The following WDFY4 variants were observed in gnomAD, a reference collection of about 807,000 sequenced individuals.
WDFY4 encodes the protein WD repeat- and FYVE domain-containing protein 4.
In WDFY4, 169 loss-of-function variants were observed where a neutral mutation model predicts 351.9. The observed-to-expected ratio is 0.48, with a 90% CI of 0.42 to 0.55. WDFY4 has a LOEUF of 0.55. Among genes scored for constraint, WDFY4 ranks in the 20% least tolerant of loss-of-function variants. WDFY4 has a pLI of 0.00. For missense variants in WDFY4, 3,803 were observed against 3,935.6 expected (o/e 0.97, Z 0.90); for synonymous variants, 1,622 against 1,574.6 (o/e 1.03, Z -0.71).
intron 39 of WDFY4, among the ~76,000 whole-genome samples, chr10:48,845,921 C>T (rs2068761477): frequency 6.6e-6 from 1 of 152,168 alleles, no homozygotes; most frequent in Non-Finnish European, 1.5e-5. Flanking sequence ...GCATCCATTC[C>T]TCATCCATCA....
rs1452602835 is a variant in WDFY4 at position 48,890,832 on chromosome 10, A to T, written c.7316+105A>T. 1.6e-5 allele frequency: 23 copies of T among 1,466,030 alleles called. No homozygotes were observed. In the East Asian group the frequency reaches 5.5e-4, roughly 35 times the overall value. 90.8% of individuals were successfully genotyped at this position (1,466,030 alleles called of 1,614,324 possible). On this transcript the variant is annotated intron_variant, in intron 44 of 61. Transcript: ENST00000325239. ...CACCTTGTTCTTACAGTGGGCTTAG[A>T]TTTGGGCCTGAAACTGAGCCATGAG... is the stretch of plus-strand genomic sequence containing the variant.
chr10:48,945,549 A>G (rs1840999634), intron 49 of WDFY4, among the ~76,000 whole-genome samples: 1 of 152,204 alleles, frequency 6.6e-6, no homozygotes, highest in African/African-American at 2.4e-5. Flanking sequence ...AAGAGAGGGA[A>G]GGGGCGCTCA....
At chr10:48,760,909 G>A (rs1295827066) in intron 13 of WDFY4, among the ~76,000 whole-genome samples, 1 of 152,156 alleles carries the variant, frequency 6.6e-6, no homozygotes, top group Non-Finnish European at 1.5e-5. Flanking sequence ...TCTATGATGG[G>A]GATGAGGAGG....
At chr10:48,752,614 A>C (rs1422256289) in intron 12 of WDFY4, among the ~76,000 whole-genome samples, 1 of 152,254 alleles carries the variant, frequency 6.6e-6, no homozygotes, top group Non-Finnish European at 1.5e-5. Flanking sequence ...AATCATGTGT[A>C]AATGGAATCA....
At chr10:48,854,114 AT>A (rs11331850) in intron 39 of WDFY4, among the ~76,000 whole-genome samples, 53,357 of 138,092 alleles carry the variant, frequency 0.39, 8,897 homozygotes, top group East Asian at 0.66. Flanking sequence ...AGTCTAAGTC[AT>A]TTTTTTTTTT....
chr10:48,742,941 C>T, intron 11 of WDFY4, 27 bp from the exon 12 acceptor site: 4 of 1,525,912 alleles, frequency 2.6e-6, no homozygotes, highest in South Asian at 1.2e-5. Flanking sequence ...CTGGAGTGCA[C>T]TCATTTTGAT....
At chr10:48,690,673 A>G (rs1435899777) in intron 1 of WDFY4, among the ~76,000 whole-genome samples, 1 of 151,952 alleles carries the variant, frequency 6.6e-6, no homozygotes, top group Non-Finnish European at 1.5e-5. Flanking sequence ...GGCCCTGGAG[A>G]AGGTAGCTCT....
intron 23 of WDFY4, among the ~76,000 whole-genome samples, chr10:48,792,056 T>G (rs577910031): frequency 8.5e-5 from 13 of 152,348 alleles, no homozygotes; most frequent in East Asian, 7.7e-4. Context: ...CATTCAAAAC[T>G]GGCCACAGAC....
chr10:48,840,050 C>A (rs751094418), intron 39 of WDFY4, among the ~76,000 whole-genome samples: 27 of 152,162 alleles, frequency 1.8e-4, no homozygotes, highest in African/African-American at 6.3e-4. Flanking sequence ...TATTTCCAGA[C>A]GGGATATCCA....
intron 46 of WDFY4, among the ~76,000 whole-genome samples, chr10:48,900,813 G>A (rs1193347892): frequency 6.6e-6 from 1 of 152,214 alleles, no homozygotes; most frequent in East Asian, 1.9e-4. Context: ...AGAAATCTAA[G>A]CCAGTGTGTA....
At chr10:48,976,733 G>T in intron 58 of WDFY4, 64 bp from the exon 59 acceptor site, 1 of 1,291,202 alleles carries the variant, frequency 7.7e-7, no homozygotes, top group South Asian at 2.5e-5. Flanking sequence ...CTGGGTAGCT[G>T]AGCAAGTGGC....
Position 48,830,729 on chromosome 10 carries a change from A to T in WDFY4, c.6370A>T (p.Thr2124Ser). 1 of 1,551,456 alleles carries T rather than the reference A, an allele frequency of 6.4e-7. No individual in the cohort carries two copies. Among genetic ancestry groups the T allele is most frequent in the Non-Finnish European group, 8.7e-7 (1 of 1,146,934 alleles). ...ACACAACATCCAGAAGACAGTGCAG[A>T]CTCTCTGGCAGCAGCTGGTGGCACA... ...VQHNIQKTVQTLWQQLVAQRQ... is the reference protein window; with the variant it reads ...VQHNIQKTVQSLWQQLVAQRQ... Residue 2124 changes from threonine (T) to serine (S), a missense_variant, in exon 38 of 62, where the codon ACT becomes TCT. This residue lies in a region of WDFY4 where 3,054 missense variants were observed against 3,148.6 expected (regional missense o/e 0.97). Coordinates refer to ENST00000325239, the MANE Select transcript of WDFY4 (RefSeq NM_001394531.1).
Position 48,725,886 on chromosome 10 carries a change from G to T in WDFY4, c.597G>T (p.Leu199Phe). The change falls in exon 6 of 62, where the codon TTG becomes TTT. Residue 199 changes from leucine (L) to phenylalanine (F), a missense_variant. Leu to Phe is a conservative substitution (Grantham distance 22). This residue lies in a region of WDFY4 where 488 missense variants were observed against 456.8 expected (regional missense o/e 1.07). Coordinates refer to ENST00000325239, the MANE Select transcript of WDFY4 (RefSeq NM_001394531.1). ...LQVQKMFVQM[L>F]LNICSDSQGL... ...TTTATCTTCTTATTTTTCAGATGTTGCTCAATATTTGCAGTGACTCTCAGG... is the reference window on the plus strand; with the variant it reads ...TTTATCTTCTTATTTTTCAGATGTTTCTCAATATTTGCAGTGACTCTCAGG... 1 of 1,537,298 alleles carries T rather than the reference G, an allele frequency of 6.5e-7. No homozygotes were observed. Among genetic ancestry groups the T allele is most frequent in the Non-Finnish European group, 8.8e-7 (1 of 1,135,082 alleles).
At chr10:48,965,840 T>A (rs1240425866) in intron 54 of WDFY4, among the ~76,000 whole-genome samples, 1 of 152,100 alleles carries the variant, frequency 6.6e-6, no homozygotes, top group African/African-American at 2.4e-5. Flanking sequence ...CAGTTAGATA[T>A]AGATTATATC....
At chr10:48,957,105 T>A in intron 51 of WDFY4, 24 bp from the exon 52 acceptor site, 1 of 1,535,432 alleles carries the variant, frequency 6.5e-7, no homozygotes, top group Non-Finnish European at 8.8e-7. Context: ...GAGCGGCTGG[T>A]CATGTTGGCT....
In WDFY4 at chr10:48,958,692, T is replaced by C. The variant is rs1224743394; in HGVS notation, c.8132-1030T>C. On this transcript the variant is annotated intron_variant, in intron 52 of 61. Transcript: ENST00000325239. The stretch of plus-strand genomic sequence containing the variant: ...ACATTCTGTGTGAGGATAGGAAAAA[T>C]GGAAGAGAAAATATAGACAATTTCT... Among the ~76,000 whole-genome samples, 3 of 151,900 alleles carry C rather than the reference T, an allele frequency of 2.0e-5. No individual in the cohort carries two copies. In the East Asian group the frequency reaches 5.8e-4, roughly 29 times the overall value.
intron 39 of WDFY4, among the ~76,000 whole-genome samples, chr10:48,847,264 G>A (rs900649884): frequency 2.0e-5 from 3 of 152,058 alleles, no homozygotes; most frequent in African/African-American, 4.8e-5. Context: ...CACCAGTCAC[G>A]TAGGATTAGG....
At chr10:48,792,684 A>G (rs914843030) in intron 23 of WDFY4, among the ~76,000 whole-genome samples, 2 of 152,240 alleles carry the variant, frequency 1.3e-5, no homozygotes, top group African/African-American at 4.8e-5. Flanking sequence ...ATCTAGAAGG[A>G]GAAAATAAAA....
Position 48,786,760 on chromosome 10 carries a change from G to A in WDFY4, c.3698G>A (p.Arg1233His), listed in dbSNP as rs768826109. The change falls in exon 20 of 62, where the codon CGT becomes CAT. Residue 1233 changes from arginine (R) to histidine (H), a missense_variant. Arg to His is a conservative substitution (Grantham distance 29, BLOSUM62 0). Around this residue, in one of 3 missense-constraint regions of WDFY4, gnomAD observed 3,054 missense variants for 3,148.6 expected, o/e 0.97. Transcript: ENST00000325239. Reference sequence around the variant, plus strand: ...AAACAAAAGTCTTCATTAATCTGGCGTCTTGGCCCCACATACCTCTTTGAA... The same window carrying A: ...AAACAAAAGTCTTCATTAATCTGGCATCTTGGCCCCACATACCTCTTTGAA... ...VWKQKSSLIWRLGPTYLFEEA... is the reference protein window; with the variant it reads ...VWKQKSSLIWHLGPTYLFEEA... 4.2e-5 allele frequency: 65 copies of A among 1,552,348 alleles called. No homozygotes were observed. The highest frequency in any genetic ancestry group is 7.1e-5 in the South Asian group (6 of 84,068).
Sources: gnomAD v4.1 joint callset for allele counts (sites outside exome capture counted in the v4.1 genomes callset) on GRCh38, gnomAD v4.1.1 for gene constraint, gnomAD v4.1.1 regional missense constraint, MANE v1.5 for transcripts, NCBI Gene and HGNC (gene_info 2026-07-23, HGNC 2026-07-21) for gene names.